Variants in ADGRB3 observed in about 807,000 individuals in gnomAD.
The protein encoded by ADGRB3 is brain-specific angiogenesis inhibitor 3.
In ADGRB3, 37 loss-of-function variants were observed where a neutral mutation model predicts 193.4. The observed-to-expected ratio is 0.19, with a 90% confidence interval of 0.15 to 0.25. The LOEUF is 0.25. ADGRB3 is among the 10% of genes least tolerant of loss of function. The pLI, the probability that ADGRB3 is intolerant of heterozygous loss-of-function variation, is 1.00. For missense variants in ADGRB3, 1,637 were observed against 1,852.9 expected, an observed-to-expected ratio of 0.88 and a Z score of 2.14; for synonymous variants, 690 against 644.2, an observed-to-expected ratio of 1.07 and a Z score of -1.08.
At chr6:69,129,837 T>A (rs964746004) in intron 17 of ADGRB3, among the ~76,000 whole-genome samples, 2 of 152,118 alleles carry the variant, frequency 1.3e-5, no homozygotes, top group Admixed American at 1.3e-4. Context: ...TATGAATTCT[T>A]TTTAGTGCAG....
intron 3 of ADGRB3, among the ~76,000 whole-genome samples, chr6:68,912,152 T>C (rs1408329578): frequency 1.3e-5 from 2 of 152,062 alleles, no homozygotes; most frequent in African/African-American, 4.8e-5. Flanking sequence ...ATTCTTTTAT[T>C]AAGCTTGGAT....
At chr6:69,072,644 T>C (rs1772110032) in intron 16 of ADGRB3, among the ~76,000 whole-genome samples, 1 of 152,208 alleles carries the variant, frequency 6.6e-6, no homozygotes, top group Admixed American at 6.5e-5. Flanking sequence ...TTATACATCA[T>C]TAAAATCAGC....
intron 17 of ADGRB3, among the ~76,000 whole-genome samples, chr6:69,135,112 T>A (rs1199696416): frequency 6.6e-6 from 1 of 152,022 alleles, no homozygotes; most frequent in African/African-American, 2.4e-5. Context: ...ACATGAAGAA[T>A]TAGCTACCCA....
chr6:69,080,863 T>G (rs1480160705), intron 17 of ADGRB3, among the ~76,000 whole-genome samples: 8 of 152,034 alleles, frequency 5.3e-5, no homozygotes, highest in Non-Finnish European at 1.2e-4. Context: ...TTACAGTCGA[T>G]ACTTTAGTAA....
chr6:69,033,512 A>G (rs945421000), intron 13 of ADGRB3, among the ~76,000 whole-genome samples: 3 of 152,196 alleles, frequency 2.0e-5, no homozygotes, highest in Admixed American at 6.5e-5. Flanking sequence ...AATAGTCAAA[A>G]ATATTTTCAT....
At chr6:69,216,894 T>C (rs1279326456) in intron 17 of ADGRB3, among the ~76,000 whole-genome samples, 4 of 152,168 alleles carry the variant, frequency 2.6e-5, no homozygotes, top group African/African-American at 9.6e-5. Context: ...GCATTCAGGT[T>C]TGGAGATGAA....
chr6:69,299,556 G>A lies in ADGRB3; in HGVS notation c.2815-25316G>A, dbSNP rs553694580. On this transcript the variant is annotated intron_variant, in intron 20 of 31. Coordinates refer to ENST00000370598, the MANE Select transcript of ADGRB3 (RefSeq NM_001704.3). ...TTTGATCCATTTTAATTTGATTTTT[G>A]TTTATGGCAAGAGATAGGGGTCTAG... is the stretch of plus-strand genomic sequence containing the variant. Among the ~76,000 whole-genome samples, 5 of 151,918 alleles carry A rather than the reference G, an allele frequency of 3.3e-5. No homozygotes were observed. The South Asian group carries it at 1.0e-3, about 32-fold the overall frequency.
intron 26 of ADGRB3, among the ~76,000 whole-genome samples, chr6:69,350,958 G>T (rs909835850): frequency 1.3e-5 from 2 of 151,976 alleles, no homozygotes; most frequent in Non-Finnish European, 2.9e-5. Flanking sequence ...GCGTTTTCCA[G>T]ATACCATCTT....
At chr6:68,969,312 C>A (rs2150262574) in intron 8 of ADGRB3, among the ~76,000 whole-genome samples, 1 of 152,086 alleles carries the variant, frequency 6.6e-6, no homozygotes, top group Admixed American at 6.6e-5. Context: ...GAATTTTACC[C>A]CTCAAAATAA....
intron 3 of ADGRB3, among the ~76,000 whole-genome samples, chr6:68,810,510 G>C (rs1010491288): frequency 6.6e-6 from 1 of 152,172 alleles, no homozygotes; most frequent in Non-Finnish European, 1.5e-5. Context: ...TTAGGAGGCT[G>C]GCTTCTAGTC....
At chr6:68,858,679 G>A (rs915084950) in intron 3 of ADGRB3, among the ~76,000 whole-genome samples, 2 of 151,246 alleles carry the variant, frequency 1.3e-5, no homozygotes, top group Non-Finnish European at 1.5e-5. Context: ...CAGCCATTTA[G>A]AGCCATTACC....
intron 20 of ADGRB3, among the ~76,000 whole-genome samples, chr6:69,315,402 A>T (rs1352057757): frequency 6.6e-6 from 1 of 151,560 alleles, no homozygotes; most frequent in Non-Finnish European, 1.5e-5. Context: ...GCAGTCAAAC[A>T]TCTTCAAATG....
chr6:68,857,059 T>G (rs188372770), intron 3 of ADGRB3, among the ~76,000 whole-genome samples: 4 of 152,274 alleles, frequency 2.6e-5, no homozygotes, highest in Non-Finnish European at 5.9e-5. Flanking sequence ...GGCACAGAAG[T>G]CAACTATTGA....
At chr6:69,330,378 T>C (rs1768688462) in intron 22 of ADGRB3, 128 bp from the exon 23 acceptor site, 1 of 524,686 alleles carries the variant, frequency 1.9e-6, no homozygotes, top group Non-Finnish European at 3.2e-6. Flanking sequence ...ATGTATTTTT[T>C]ATTACAAATG....
intron 3 of ADGRB3, among the ~76,000 whole-genome samples, chr6:68,765,368 A>G (rs1378823190): frequency 6.6e-6 from 1 of 152,074 alleles, no homozygotes; most frequent in Non-Finnish European, 1.5e-5. Flanking sequence ...CTAATTTTTA[A>G]AATATTTTGT....
intron 17 of ADGRB3, among the ~76,000 whole-genome samples, chr6:69,113,813 T>C (rs76202984): frequency 2.6e-3 from 402 of 152,310 alleles, no homozygotes; most frequent in Middle Eastern, 0.014. Flanking sequence ...TTTTTCAGTA[T>C]CAGATAATTG....
intron 17 of ADGRB3, among the ~76,000 whole-genome samples, chr6:69,215,888 T>C (rs1765764096): frequency 6.6e-6 from 1 of 152,180 alleles, no homozygotes; most frequent in Admixed American, 6.5e-5. Context: ...TCAAACTGGA[T>C]GTTGCTAACT....
intron 4 of ADGRB3, among the ~76,000 whole-genome samples, chr6:68,932,951 A>G (rs951859910): frequency 2.2e-5 from 3 of 139,360 alleles, no homozygotes; most frequent in African/African-American, 7.6e-5. Flanking sequence ...ATTAAAAGCA[A>G]TCTTTCTACA....
At chr6:68,911,166 G>C (rs1766695375) in intron 3 of ADGRB3, among the ~76,000 whole-genome samples, 1 of 148,940 alleles carries the variant, frequency 6.7e-6, no homozygotes, top group Admixed American at 6.8e-5. Flanking sequence ...CTATAGCAAG[G>C]ACAAAAAACC....
Sources: allele counts gnomAD v4.1 joint callset (sites outside exome capture counted in the v4.1 genomes callset), GRCh38; gene constraint gnomAD v4.1.1; transcripts MANE v1.5; gene names NCBI Gene and HGNC (gene_info 2026-07-23, HGNC 2026-07-21).